The following DENND5B variants were observed in gnomAD, a reference collection of about 807,000 sequenced individuals.
The protein encoded by DENND5B is DENN domain containing 5B, also known as DENN domain-containing protein 5B.
In DENND5B, 34 loss-of-function variants were observed where a neutral mutation model predicts 140.6. The ratio of observed to expected loss-of-function variants is 0.24; its 90% confidence interval spans 0.18 to 0.32. The LOEUF (loss-of-function observed/expected upper bound fraction) is 0.32. Among genes scored for constraint, DENND5B ranks in the 10% least tolerant of loss-of-function variants. The pLI, the probability that DENND5B is intolerant of heterozygous loss-of-function variation, is 1.00. For synonymous variants in DENND5B, 551 were observed against 562.1 expected (o/e 0.98, Z 0.28); for missense variants, 1,142 against 1,560.2 (o/e 0.73, Z 4.52).
intron 12 of DENND5B, 27 bp downstream of exon 12, chr12:31,415,340 G>A: frequency 1.3e-6 from 2 of 1,554,074 alleles, no homozygotes; most frequent in Non-Finnish European, 1.8e-6. Flanking sequence ...ATCACCACAT[G>A]CTAACACATG....
chr12:31,524,115 T>C (rs1948002552), intron 1 of DENND5B, among the ~76,000 whole-genome samples: 1 of 150,818 alleles, frequency 6.6e-6, no homozygotes, highest in Non-Finnish European at 1.5e-5. Flanking sequence ...GACGAATCAA[T>C]TAATGCATGG....
Position 31,560,286 on chromosome 12 carries a change from T to C in DENND5B, c.127+30420A>G, listed in dbSNP as rs79959878. Among the ~76,000 whole-genome samples, 106 of 152,336 alleles carry C rather than the reference T, an allele frequency of 7.0e-4. No individual in the cohort carries two copies. The East Asian group carries it at 0.02, about 29-fold the overall frequency. On this transcript the variant is annotated intron_variant, in intron 1 of 20. Transcript: ENST00000389082. ...CTATGGTATTCTCCAGTTAAGTTGA[T>C]GGTAATTCCATTTTTCTTCAACTTA... is the stretch of plus-strand genomic sequence containing the variant.
intron 3 of DENND5B, among the ~76,000 whole-genome samples, chr12:31,475,148 T>A (rs2138472565): frequency 6.6e-6 from 1 of 152,250 alleles, no homozygotes; most frequent in East Asian, 1.9e-4. Flanking sequence ...CTCACTGCTG[T>A]TGAGAGGATT....
At chr12:31,439,367 T>C (rs1014540929) in intron 7 of DENND5B, among the ~76,000 whole-genome samples, 11 of 152,130 alleles carry the variant, frequency 7.2e-5, no homozygotes, top group Admixed American at 2.0e-4. Flanking sequence ...AGCAAGAAAA[T>C]AAGGCTATAA....
chr12:31,459,488 T>C (rs1944922365), intron 4 of DENND5B, among the ~76,000 whole-genome samples: 1 of 152,010 alleles, frequency 6.6e-6, no homozygotes, highest in Non-Finnish European at 1.5e-5. Flanking sequence ...ATGGGTTTCA[T>C]CATGTTAGCC....
intron 1 of DENND5B, among the ~76,000 whole-genome samples, chr12:31,588,335 A>C (rs988652581): frequency 1.3e-5 from 2 of 152,038 alleles, no homozygotes; most frequent in Non-Finnish European, 2.9e-5. Flanking sequence ...CATGTCCCTA[A>C]ATCCACTCCC....
chr12:31,586,840 C>T (rs1340811665), intron 1 of DENND5B, among the ~76,000 whole-genome samples: 1 of 152,174 alleles, frequency 6.6e-6, no homozygotes, highest in Non-Finnish European at 1.5e-5. Context: ...GACAGATCAG[C>T]TCCAGCAAGG....
In DENND5B at chr12:31,410,759, T is replaced by C. The variant is rs566858638; in HGVS notation, c.2682-1375A>G. Among the ~76,000 whole-genome samples, 6 of 152,224 alleles carry C rather than the reference T, an allele frequency of 3.9e-5. No individual in the cohort carries two copies. The South Asian group carries it at 1.2e-3, about 32-fold the overall frequency. On this transcript the variant is annotated intron_variant, in intron 13 of 20. Coordinates refer to ENST00000389082, the MANE Select transcript of DENND5B (RefSeq NM_144973.4). The stretch of plus-strand genomic sequence containing the variant: ...AGATACAGGAAAGTTAAATATTTTG[T>C]CCGAGGTCATTCAAACACTAACTAG...
At chr12:31,501,512 G>A (rs958310597) in intron 1 of DENND5B, among the ~76,000 whole-genome samples, 1 of 152,168 alleles carries the variant, frequency 6.6e-6, no homozygotes, top group Admixed American at 6.5e-5. Flanking sequence ...AGTGGCTCAT[G>A]CCCGTAATCC....
intron 12 of DENND5B, among the ~76,000 whole-genome samples, 156 bp downstream of exon 12, chr12:31,415,211 A>G (rs1593104859): frequency 6.6e-6 from 1 of 152,244 alleles, no homozygotes; most frequent in East Asian, 1.9e-4. Context: ...CTACAATGGT[A>G]TAAAAATAAG....
At chr12:31,526,047 ATCT>A (rs1377288210) in intron 1 of DENND5B, among the ~76,000 whole-genome samples, 1 of 152,164 alleles carries the variant, frequency 6.6e-6, no homozygotes, top group Non-Finnish European at 1.5e-5. Flanking sequence ...TTTAAATGTG[ATCT>A]TCTCCCTATT....
At chr12:31,452,552 ACAGTG>A (rs1944583492) in intron 4 of DENND5B, 76 bp from the exon 5 acceptor site, 1 of 1,422,932 alleles carries the variant, frequency 7.0e-7, no homozygotes, top group Non-Finnish European at 9.3e-7. Flanking sequence ...CCAGCCAGCC[ACAGTG>A]GCTCACACAT....
intron 4 of DENND5B, among the ~76,000 whole-genome samples, chr12:31,455,743 TG>T (rs1346177991): frequency 9.9e-5 from 15 of 152,218 alleles, no homozygotes; most frequent in Non-Finnish European, 1.9e-4. Flanking sequence ...AAAAGTGGGC[TG>T]GGCATGGTGG....
intron 2 of DENND5B, among the ~76,000 whole-genome samples, chr12:31,486,209 G>T (rs113653712): frequency 4.1e-4 from 63 of 152,216 alleles, no homozygotes; most frequent in African/African-American, 1.4e-3. Flanking sequence ...GAAAGGATTC[G>T]TCCTTCTTAT....
At chr12:31,519,143 C>T (rs1470944860) in intron 1 of DENND5B, among the ~76,000 whole-genome samples, 1 of 152,200 alleles carries the variant, frequency 6.6e-6, no homozygotes, top group African/African-American at 2.4e-5. Flanking sequence ...ACAAACGATG[C>T]ACCAAATTTG....
intron 11 of DENND5B, among the ~76,000 whole-genome samples, chr12:31,421,046 A>T (rs975866540): frequency 3.3e-5 from 5 of 151,584 alleles, no homozygotes; most frequent in African/African-American, 1.2e-4. Flanking sequence ...ACCCATCAAA[A>T]TTTTTTTTTG....
At chr12:31,445,311 G>A (rs564362968) in intron 6 of DENND5B, among the ~76,000 whole-genome samples, 82 of 152,260 alleles carry the variant, frequency 5.4e-4, no homozygotes, top group Non-Finnish European at 5.4e-4. Context: ...ACCATGGCTC[G>A]ACCAATCACT....
chr12:31,392,285 AG>A lies in DENND5B; in HGVS notation c.3447del (p.Phe1150SerfsTer6). 6.2e-7 allele frequency: 1 copy of A among 1,613,916 alleles called. No individual in the cohort carries two copies. Among genetic ancestry groups the A allele is most frequent in the Non-Finnish European group, 8.5e-7 (1 of 1,179,868 alleles). On this transcript the variant is annotated frameshift_variant, in exon 19 of 21. Transcript: ENST00000389082. LOFTEE classifies it high-confidence loss of function. ...FKSARIFHKN[V>X]FIWDFIEKVV... ...TATTTACCTATGAAGTCCCAGATGAAGACATTCTTGTGAAAGATGCGGGCAG... is the reference window on the plus strand; with the variant it reads ...TATTTACCTATGAAGTCCCAGATGAAACATTCTTGTGAAAGATGCGGGCAG...
At chr12:31,463,341 A>G (rs756984205) in intron 3 of DENND5B, among the ~76,000 whole-genome samples, 2 of 152,188 alleles carry the variant, frequency 1.3e-5, no homozygotes, top group African/African-American at 4.8e-5. Context: ...AGTAATTTAC[A>G]GTTATAGACT....
Sources: allele counts gnomAD v4.1 joint callset (sites outside exome capture counted in the v4.1 genomes callset), GRCh38; gene constraint gnomAD v4.1.1; transcripts MANE v1.5; gene names NCBI Gene and HGNC (gene_info 2026-07-23, HGNC 2026-07-21).